NKD1: variants seen among roughly 807,000 people sequenced by gnomAD.
The protein encoded by NKD1 is protein naked cuticle homolog 1.
Under a neutral mutation model 56.0 loss-of-function variants are expected in NKD1, and 21 were observed. That is an observed-to-expected ratio of 0.38 (90% CI 0.27 to 0.54). The LOEUF (loss-of-function observed/expected upper bound fraction) is 0.54. Among genes scored for constraint, NKD1 ranks in the 20% least tolerant of loss-of-function variants. The pLI is 0.82. For synonymous variants in NKD1, 263 were observed against 265.7 expected (o/e 0.99, Z 0.10); for missense variants, 578 against 642.7 (o/e 0.90, Z 1.09).
intron 3 of NKD1, among the ~76,000 whole-genome samples, chr16:50,587,820 G>A (rs1231457572): frequency 6.6e-6 from 1 of 152,226 alleles, no homozygotes; most frequent in Non-Finnish European, 1.5e-5. Context: ...ATCAGCAGTG[G>A]TATTAGATTC....
intron 6 of NKD1, among the ~76,000 whole-genome samples, chr16:50,627,631 G>A (rs1036023239): frequency 2.0e-5 from 3 of 152,292 alleles, no homozygotes; most frequent in Non-Finnish European, 4.4e-5. Context: ...CCCACCTCAC[G>A]GCATCTGCAG....
intron 5 of NKD1, among the ~76,000 whole-genome samples, chr16:50,622,627 G>A (rs1370107340): frequency 6.6e-6 from 1 of 152,194 alleles, no homozygotes; most frequent in Non-Finnish European, 1.5e-5. Flanking sequence ...GTGGCCTCAC[G>A]TGCCTCGCCT....
chr16:50,575,382 C>G lies in NKD1; in HGVS notation c.192+25827C>G, dbSNP rs558123245. 2,263 of 978,696 alleles carry G rather than the reference C, an allele frequency of 2.3e-3. 4 individuals are homozygous for G. The highest frequency in any genetic ancestry group is 2.6e-3 in the Non-Finnish European group (2,156 of 823,868). 60.6% of individuals were successfully genotyped at this position (978,696 alleles called of 1,614,324 possible). A position where few individuals can be genotyped will look rare whatever the true frequency, so the allele number is the denominator to read the frequency against. On this transcript the variant is annotated intron_variant, in intron 3 of 9. Coordinates refer to ENST00000268459, the MANE Select transcript of NKD1 (RefSeq NM_033119.5). The stretch of plus-strand genomic sequence containing the variant: ...GGGCCTGGTTTTCAGAACATCAGCG[C>G]GAGGGTAATTGTATTTTCGGGGAGA...
At chr16:50,552,445 T>C (rs1323357616) in intron 3 of NKD1, 1 of 151,830 alleles carries the variant, frequency 6.6e-6, no homozygotes, top group Non-Finnish European at 1.5e-5. Flanking sequence ...GAAGCAGGAG[T>C]GGCCCCTGTT....
intron 3 of NKD1, chr16:50,557,800 T>C (rs1596703877): frequency 6.6e-6 from 1 of 152,256 alleles, no homozygotes; most frequent in African/African-American, 2.4e-5. Flanking sequence ...GTTAAAGTTA[T>C]AAAACCATAA....
At chr16:50,601,042 C>T (rs751201630) in intron 3 of NKD1, among the ~76,000 whole-genome samples, 1 of 152,224 alleles carries the variant, frequency 6.6e-6, no homozygotes, top group Non-Finnish European at 1.5e-5. Context: ...ATGTCTTTGG[C>T]GTCTTGAAGG....
At chr16:50,593,731 A>C (rs570877268) in intron 3 of NKD1, among the ~76,000 whole-genome samples, 1 of 152,270 alleles carries the variant, frequency 6.6e-6, no homozygotes, top group African/African-American at 2.4e-5. Flanking sequence ...CACACAGTTA[A>C]ATTTGAATTT....
At chr16:50,631,939 G>A (rs373914986) in intron 8 of NKD1, among the ~76,000 whole-genome samples, 1 of 152,242 alleles carries the variant, frequency 6.6e-6, no homozygotes, top group Admixed American at 6.5e-5. Flanking sequence ...CCTGCAGTGG[G>A]CACATATGGC....
chr16:50,569,602 G>T (rs1960838297), intron 3 of NKD1, among the ~76,000 whole-genome samples: 1 of 152,178 alleles, frequency 6.6e-6, no homozygotes, highest in Admixed American at 6.5e-5. Context: ...AATAAAATGG[G>T]ATGGTAATAA....
intron 3 of NKD1, among the ~76,000 whole-genome samples, chr16:50,603,930 T>A (rs898449832): frequency 2.0e-5 from 3 of 152,178 alleles, no homozygotes; most frequent in African/African-American, 7.2e-5. Context: ...TCTGGGCATG[T>A]GGCCTGAGGG....
At chr16:50,619,452 A>G (rs1013475795) in intron 4 of NKD1, among the ~76,000 whole-genome samples, 2 of 152,102 alleles carry the variant, frequency 1.3e-5, no homozygotes, top group Admixed American at 6.5e-5. Flanking sequence ...TTCCCATTTT[A>G]CAGACAAGGG....
chr16:50,631,944 T>C (rs1307676887), intron 8 of NKD1, among the ~76,000 whole-genome samples: 1 of 152,202 alleles, frequency 6.6e-6, no homozygotes, highest in Non-Finnish European at 1.5e-5. Flanking sequence ...AGTGGGCACA[T>C]ATGGCTTGAA....
At chr16:50,611,126 T>C (rs1224417591) in intron 4 of NKD1, among the ~76,000 whole-genome samples, 1 of 152,176 alleles carries the variant, frequency 6.6e-6, no homozygotes, top group Non-Finnish European at 1.5e-5. Flanking sequence ...CCAGGCCACG[T>C]TCCCCTGCAT....
Position 50,630,062 on chromosome 16 carries a change from C to T in NKD1, c.463-124C>T, listed in dbSNP as rs538424476. ...GAACCTCAGACATCCAGGTTTCTGC[C>T]TTAGATCTGCTTTGGGGCAGCCAGA... On this transcript the variant is annotated intron_variant, in intron 6 of 9. Transcript: ENST00000268459. 23 of 814,434 alleles carry T rather than the reference C, an allele frequency of 2.8e-5. No individual in the cohort carries two copies. The East Asian group carries it at 6.0e-4, about 21-fold the overall frequency. The allele number at this position is 814,434 out of a possible 1,614,324, so 50.5% of individuals were successfully genotyped here. A position where few individuals can be genotyped will look rare whatever the true frequency, so the allele number is the denominator to read the frequency against.
chr16:50,581,627 GGC>G (rs1255643791), intron 3 of NKD1, among the ~76,000 whole-genome samples: 1 of 152,224 alleles, frequency 6.6e-6, no homozygotes, highest in Non-Finnish European at 1.5e-5. Flanking sequence ...CTTACTCAGA[GGC>G]ACCTCGGATG....
intron 3 of NKD1, among the ~76,000 whole-genome samples, chr16:50,583,222 G>A (rs961100529): frequency 2.0e-5 from 3 of 152,194 alleles, no homozygotes; most frequent in African/African-American, 7.2e-5. Flanking sequence ...GGAGGGATGT[G>A]TAAGAAAGCC....
chr16:50,625,227 C>T, intron 5 of NKD1: 1 of 537,356 alleles, frequency 1.9e-6, no homozygotes, highest in East Asian at 3.2e-5. Flanking sequence ...CCCTGTGTTT[C>T]CTTTGTCTTT....
chr16:50,622,800 T>C (rs1962122452), intron 5 of NKD1, among the ~76,000 whole-genome samples: 1 of 151,800 alleles, frequency 6.6e-6, no homozygotes, highest in Non-Finnish European at 1.5e-5. Flanking sequence ...CTGGGTGTGG[T>C]TCCTGCCGTC....
intron 4 of NKD1, 76 bp downstream of exon 4, chr16:50,608,436 T>G (rs1252756461): frequency 5.7e-6 from 6 of 1,055,864 alleles, no homozygotes; most frequent in Non-Finnish European, 8.8e-6. Flanking sequence ...GTGTGCCCTG[T>G]GTACTCCAGA....
Sources: gnomAD v4.1 joint callset for allele counts (sites outside exome capture counted in the v4.1 genomes callset) on GRCh38, gnomAD v4.1.1 for gene constraint, MANE v1.5 for transcripts, NCBI Gene and HGNC (gene_info 2026-07-23, HGNC 2026-07-21) for gene names.